Variants in SGCZ observed in about 807,000 individuals in gnomAD.
SGCZ encodes sarcoglycan zeta, also known as zeta-sarcoglycan.
A neutral mutation model predicts 41.3 loss-of-function variants in SGCZ; 40 were observed. The observed-to-expected ratio is 0.97, with a 90% CI of 0.75 to 1.26. SGCZ has a LOEUF of 1.26. Ranked by LOEUF, SGCZ falls within the 50% of genes most tolerant of loss-of-function variation. SGCZ has a pLI of 0.00. For missense variants in SGCZ, 552 were observed against 369.8 expected, an observed-to-expected ratio of 1.49 and a Z score of -4.04; for synonymous variants, 206 against 137.5, an observed-to-expected ratio of 1.50 and a Z score of -3.49.
chr8:15,029,905 C>A (rs550584202), intron 1 of SGCZ, among the ~76,000 whole-genome samples: 1 of 151,944 alleles, frequency 6.6e-6, no homozygotes, highest in Admixed American at 6.6e-5. Context: ...TCTTTCAAAG[C>A]AAGCAAGTGA....
chr8:14,630,472 C>T (rs1282317829), intron 1 of SGCZ, among the ~76,000 whole-genome samples: 22 of 152,110 alleles, frequency 1.4e-4, no homozygotes, highest in Middle Eastern at 3.4e-3. Context: ...GGCGATTCCT[C>T]AAGGATCTAG....
chr8:14,387,206 C>T (rs1804606629), intron 2 of SGCZ, among the ~76,000 whole-genome samples: 1 of 152,160 alleles, frequency 6.6e-6, no homozygotes, highest in Non-Finnish European at 1.5e-5. Flanking sequence ...CACCATCACA[C>T]ACGACTAACC....
chr8:14,111,309 A>T (rs766960878), intron 5 of SGCZ, among the ~76,000 whole-genome samples: 63 of 152,292 alleles, frequency 4.1e-4, no homozygotes, highest in South Asian at 2.3e-3. Flanking sequence ...AAGACATCAT[A>T]TACTTGATCT....
intron 6 of SGCZ, among the ~76,000 whole-genome samples, chr8:14,104,576 GGGAAAAGGAA>G: frequency 6.6e-6 from 1 of 151,928 alleles, no homozygotes; most frequent in East Asian, 1.9e-4. Context: ...AAGAAAGAGA[GGGAAAAGGAA>G]AGGAAAGAAA....
chr8:14,101,291 G>A (rs1585134010), intron 7 of SGCZ, among the ~76,000 whole-genome samples: 1 of 120,876 alleles, frequency 8.3e-6, no homozygotes, highest in Non-Finnish European at 2.0e-5. Flanking sequence ...GGAAGGAGAG[G>A]GTAAGAGATG....
intron 1 of SGCZ, among the ~76,000 whole-genome samples, chr8:15,099,259 A>G (rs1015344326): frequency 6.6e-6 from 1 of 152,202 alleles, no homozygotes; most frequent in African/African-American, 2.4e-5. Flanking sequence ...TAGAGCAACC[A>G]AATATATATG....
At chr8:14,395,370 G>T (rs1563301506) in intron 2 of SGCZ, among the ~76,000 whole-genome samples, 2 of 152,050 alleles carry the variant, frequency 1.3e-5, no homozygotes, top group Non-Finnish European at 2.9e-5. Flanking sequence ...GTTAGCAGAA[G>T]AAAAAACATG....
At chr8:14,363,028 T>C (rs116147640) in intron 2 of SGCZ, among the ~76,000 whole-genome samples, 3,113 of 152,228 alleles carry the variant, frequency 0.02, 90 homozygotes, top group African/African-American at 0.058. Flanking sequence ...TGGATGACAA[T>C]TTTGTATATT....
chr8:14,702,535 C>G (rs1809171341), intron 1 of SGCZ, among the ~76,000 whole-genome samples: 1 of 151,848 alleles, frequency 6.6e-6, no homozygotes, highest in South Asian at 2.1e-4. Flanking sequence ...ACATGAATAA[C>G]TAAAAGGCAA....
At chr8:14,336,186 G>A (rs79341452) in intron 2 of SGCZ, among the ~76,000 whole-genome samples, 1,943 of 152,116 alleles carry the variant, frequency 0.013, 40 homozygotes, top group African/African-American at 0.039. Context: ...CTGCTTCTGT[G>A]TTAATTTGCT....
chr8:14,787,526 T>A (rs1800805663), intron 1 of SGCZ, among the ~76,000 whole-genome samples: 1 of 152,146 alleles, frequency 6.6e-6, no homozygotes. Context: ...AAAACAGTAG[T>A]AACTGAGTTT....
chr8:14,191,854 G>C (rs1381008734), intron 4 of SGCZ, among the ~76,000 whole-genome samples: 1 of 151,980 alleles, frequency 6.6e-6, no homozygotes, highest in Non-Finnish European at 1.5e-5. Context: ...AGCTAGTAAT[G>C]ACTGGACTCC....
chr8:14,733,829 AATC>A (rs1798944365), intron 1 of SGCZ, among the ~76,000 whole-genome samples: 1 of 152,322 alleles, frequency 6.6e-6, no homozygotes, highest in South Asian at 2.1e-4. Context: ...AAATAGAATA[AATC>A]CTAAGCAATT....
intron 5 of SGCZ, among the ~76,000 whole-genome samples, chr8:14,109,183 G>A (rs1802300264): frequency 6.6e-6 from 1 of 152,132 alleles, no homozygotes; most frequent in Non-Finnish European, 1.5e-5. Context: ...GTTATAGTTG[G>A]TTTCATATGG....
At chr8:14,709,993 T>C (rs1809461251) in intron 1 of SGCZ, among the ~76,000 whole-genome samples, 1 of 152,112 alleles carries the variant, frequency 6.6e-6, no homozygotes, top group African/African-American at 2.4e-5. Flanking sequence ...GCTAAGCACA[T>C]TAGTCACTCT....
rs190310873 is a variant in SGCZ at position 14,827,325 on chromosome 8, C to G, written c.40-272399G>C. ...CATCTCAGCTCACTGCAACTTCTGT[C>G]TCCCAGGTTCAAGCGATTCTTCTGC... On this transcript the variant is annotated intron_variant, in intron 1 of 7. Coordinates refer to ENST00000382080, the MANE Select transcript of SGCZ (RefSeq NM_139167.4). Among the ~76,000 whole-genome samples the G allele has an allele frequency of 3.3e-4, 49 of 149,034 alleles. No individual in the cohort carries two copies. In the Middle Eastern group the frequency reaches 0.011, roughly 33 times the overall value.
At chr8:14,183,443 G>T (rs1031828050) in intron 4 of SGCZ, among the ~76,000 whole-genome samples, 1 of 152,040 alleles carries the variant, frequency 6.6e-6, no homozygotes, top group Non-Finnish European at 1.5e-5. Flanking sequence ...AACAGAGATA[G>T]TACATGAAAT....
chr8:14,212,019 T>C (rs1040094712), intron 4 of SGCZ, among the ~76,000 whole-genome samples: 5 of 152,258 alleles, frequency 3.3e-5, no homozygotes, highest in East Asian at 1.9e-4. Flanking sequence ...ATCCCTAAGA[T>C]AGTGACTGTT....
In SGCZ at chr8:15,031,902, CCTCTCTCTCTCTCT is replaced by C. The variant is rs751690018; in HGVS notation, c.39+205669_39+205682del. The stretch of plus-strand genomic sequence containing the variant: ...CTCTATATTCTATACCCTCTATATT[CCTCTCTCTCTCTCT>C]CTCTCTCTCTCTCTCTCTCTCTGTC... On this transcript the variant is annotated intron_variant, in intron 1 of 7. Coordinates refer to ENST00000382080, the MANE Select transcript of SGCZ (RefSeq NM_139167.4). Among the ~76,000 whole-genome samples, 5 of 130,858 alleles carry C rather than the reference CCTCTCTCTCTCTCT, an allele frequency of 3.8e-5. No individual in the cohort carries two copies. The East Asian group carries it at 9.4e-4, about 25-fold the overall frequency. 85.8% of individuals were successfully genotyped at this position (130,858 alleles called of 152,430 possible).
Sources: gnomAD v4.1 joint callset for allele counts (sites outside exome capture counted in the v4.1 genomes callset) on GRCh38, gnomAD v4.1.1 for gene constraint, MANE v1.5 for transcripts, NCBI Gene and HGNC (gene_info 2026-07-23, HGNC 2026-07-21) for gene names.